The following MYL10 variants were observed in gnomAD, a reference collection of about 807,000 sequenced individuals.
MYL10 encodes myosin light chain 10, also known as myosin regulatory light chain 10.
MYL10 carries 18 observed loss-of-function variants against 21.9 expected under a neutral mutation model. The ratio of observed to expected loss-of-function variants is 0.82; its 90% CI spans 0.57 to 1.22. The LOEUF is 1.22. Among genes scored for constraint, MYL10 ranks in the 50% most tolerant of loss-of-function variants. MYL10 has a pLI of 0.00. For missense variants in MYL10, 225 were observed against 230.4 expected (o/e 0.98, Z 0.15); for synonymous variants, 88 against 82.8 (o/e 1.06, Z -0.34).
intron 1 of MYL10, among the ~76,000 whole-genome samples, chr7:101,626,296 G>A (rs1013614170): frequency 5.3e-5 from 8 of 152,178 alleles, no homozygotes; most frequent in Admixed American, 4.6e-4. Flanking sequence ...TCCGTCCTGG[G>A]GACCCAGGGC....
chr7:101,616,685 G>T (rs927301611), intron 5 of MYL10, among the ~76,000 whole-genome samples: 1 of 152,216 alleles, frequency 6.6e-6, no homozygotes, highest in African/African-American at 2.4e-5. Context: ...CATGACCAGT[G>T]GTCTGGGTGA....
chr7:101,617,422 A>G (rs1796621179), intron 5 of MYL10, among the ~76,000 whole-genome samples: 1 of 152,218 alleles, frequency 6.6e-6, no homozygotes, highest in South Asian at 2.1e-4. Flanking sequence ...ACAGGCTCAG[A>G]GATGTTTCAT....
At chr7:101,614,887 A>G (rs755172497) in intron 6 of MYL10, among the ~76,000 whole-genome samples, 1 of 152,120 alleles carries the variant, frequency 6.6e-6, no homozygotes, top group Non-Finnish European at 1.5e-5. Context: ...ACAGTAATTG[A>G]TCAGGAAGCC....
chr7:101,626,632 G>A (rs1796749861), intron 1 of MYL10, among the ~76,000 whole-genome samples: 1 of 152,256 alleles, frequency 6.6e-6, no homozygotes, highest in African/African-American at 2.4e-5. Context: ...GGGGGACCTC[G>A]GAGCTCCAGA....
intron 5 of MYL10, among the ~76,000 whole-genome samples, chr7:101,619,554 G>A (rs958653201): frequency 2.6e-5 from 4 of 152,104 alleles, no homozygotes; most frequent in East Asian, 1.9e-4. Context: ...ATGTCAGGTC[G>A]GATCACCCTG....
chr7:101,620,778 CT>C (rs1392044633), intron 5 of MYL10, among the ~76,000 whole-genome samples: 162 of 134,020 alleles, frequency 1.2e-3, no homozygotes, highest in Middle Eastern at 3.9e-3. Flanking sequence ...CTGACCCTTC[CT>C]TTTTTTTTTT....
intron 6 of MYL10, 80 bp from the exon 7 acceptor site, chr7:101,613,790 G>T: frequency 7.3e-7 from 1 of 1,366,550 alleles, no homozygotes; most frequent in Non-Finnish European, 1.0e-6. Flanking sequence ...GTGATGAGGG[G>T]CAAGTGGGGG....
At chr7:101,626,167 C>T (rs955890779) in intron 1 of MYL10, among the ~76,000 whole-genome samples, 8 of 152,196 alleles carry the variant, frequency 5.3e-5, no homozygotes, top group Non-Finnish European at 8.8e-5. Flanking sequence ...TCCCAGCCTC[C>T]GTGATGTTAA....
intron 6 of MYL10, among the ~76,000 whole-genome samples, chr7:101,615,690 A>ACT (rs1354796607): frequency 9.3e-6 from 1 of 107,264 alleles, no homozygotes; most frequent in Non-Finnish European, 1.9e-5. Context: ...GTGACCCACC[A>ACT]CTTCTTCTTT....
At chr7:101,624,131 C>T in intron 2 of MYL10, 41 bp downstream of exon 2, 1 of 1,332,596 alleles carries the variant, frequency 7.5e-7, no homozygotes, top group South Asian at 1.2e-5. Context: ...GGCATGCATT[C>T]CAAGAATCCT....
intron 1 of MYL10, among the ~76,000 whole-genome samples, chr7:101,627,030 G>A (rs932114063): frequency 1.3e-5 from 2 of 151,990 alleles, no homozygotes; most frequent in African/African-American, 2.4e-5. Flanking sequence ...TGTGGCTCAC[G>A]CCTGTAATCC....
intron 5 of MYL10, among the ~76,000 whole-genome samples, chr7:101,617,094 T>C (rs1201529679): frequency 1.3e-5 from 2 of 152,236 alleles, no homozygotes; most frequent in Non-Finnish European, 2.9e-5. Flanking sequence ...GCAGGTGACC[T>C]GGCCACCCTC....
Position 101,616,117 on chromosome 7 carries a change from C to T in MYL10, c.533+103G>A, listed in dbSNP as rs1254815343. On this transcript the variant is annotated intron_variant, in intron 6 of 7. Transcript: ENST00000223167. ...ACTGGGCTGGGCAGCGGCCCCCCAG[C>T]TCCTGGCTTCTGGGAGAGGAGACTG... 6.6e-6 allele frequency: 6 copies of T among 915,500 alleles called. No individual in the cohort carries two copies. The East Asian group carries it at 9.9e-5, about 15-fold the overall frequency. 56.7% of individuals were successfully genotyped at this position (915,500 alleles called of 1,614,324 possible).
At position 101,616,303 on chromosome 7, in the gene MYL10, A is replaced by G. The variant is rs776656052; in HGVS notation, c.455-5T>C. ...TGGTCTCCTCTGGGTCCGTGCCTATAAGCAGCACATACAGGGCAGGGAGAG... is the reference window on the plus strand; with the variant it reads ...TGGTCTCCTCTGGGTCCGTGCCTATGAGCAGCACATACAGGGCAGGGAGAG... On this transcript the variant is annotated splice_region_variant and splice_polypyrimidine_tract_variant and intron_variant, in intron 5 of 7. Coordinates refer to ENST00000223167, the MANE Select transcript of MYL10 (RefSeq NM_138403.5). 6.2e-7 allele frequency: 1 copy of G among 1,613,008 alleles called. No homozygotes were observed. Among genetic ancestry groups the G allele is most frequent in the East Asian group, 2.2e-5 (1 of 44,868 alleles).
intron 6 of MYL10, among the ~76,000 whole-genome samples, chr7:101,615,697 C>CT (rs900024757): frequency 0.038 from 4,646 of 121,198 alleles, 318 homozygotes; most frequent in East Asian, 0.13. Flanking sequence ...ACCACTTCTT[C>CT]TTTTTTTTTT....
At chr7:101,620,350 G>C (rs1206726345) in intron 5 of MYL10, among the ~76,000 whole-genome samples, 2 of 151,992 alleles carry the variant, frequency 1.3e-5, no homozygotes, top group Admixed American at 1.3e-4. Context: ...TAAACAAAGA[G>C]GCAGGTGGAG....
Position 101,622,148 on chromosome 7 carries a change from G to A in MYL10, c.402C>T (p.Pro134=), listed in dbSNP as rs143006947. ...EELEAMVKEA[P]GPINFTVFLT... ...GGAACACCGTGAAGTTGATGGGTCC[G>A]GGGGCCTCCTTCACCATGGCCTCCA... The change falls in exon 5 of 8, where the codon CCC becomes CCT. Residue 134 remains proline (P), a synonymous_variant. Transcript: ENST00000223167. 4.3e-5 allele frequency: 70 copies of A among 1,612,982 alleles called. No individual in the cohort carries two copies. The highest frequency in any genetic ancestry group is 1.1e-4 in the African/African-American group (8 of 74,886).
intron 5 of MYL10, among the ~76,000 whole-genome samples, chr7:101,621,423 C>T (rs879451163): frequency 2.6e-5 from 4 of 152,026 alleles, no homozygotes; most frequent in African/African-American, 2.4e-5. Context: ...AGGGGTCGAC[C>T]ACAGCATCTT....
rs146674429 is a variant in MYL10 at position 101,624,249 on chromosome 7, G to A, written c.94C>T (p.Arg32Trp). The A allele has an allele frequency of 5.7e-4, 923 of 1,613,486 alleles. 2 individuals carry two copies. In the South Asian group the frequency reaches 6.7e-3, roughly 12 times the overall value. The change falls in exon 2 of 8, where the codon CGG (arginine) becomes TGG (tryptophan). Residue 32 changes from arginine (R) to tryptophan (W), a missense_variant. Physicochemically the swap from Arg to Trp is moderately radical, Grantham distance 101. Transcript: ENST00000223167. The stretch of plus-strand genomic sequence containing the variant: ...CTGGCGGTGCCTTCTGCTCTTTTCC[G>A]AGCTCTTCTCGGTGCCTGCGAGGTA... ...VLGLQAPRRARKRAEGTASSN... is the reference protein window; with the variant it reads ...VLGLQAPRRAWKRAEGTASSN...
Sources: gnomAD v4.1 joint callset for allele counts (sites outside exome capture counted in the v4.1 genomes callset) on GRCh38, gnomAD v4.1.1 for gene constraint, MANE v1.5 for transcripts, NCBI Gene and HGNC (gene_info 2026-07-23, HGNC 2026-07-21) for gene names.